PRELID2: variants seen among roughly 807,000 people sequenced by gnomAD.
PRELID2 encodes the protein PRELI domain containing 2.
In PRELID2, 25 loss-of-function variants were observed where a neutral mutation model predicts 28.4. That is an observed-to-expected ratio of 0.88 (90% CI 0.64 to 1.23). The LOEUF is 1.23. Among genes scored for constraint, PRELID2 ranks in the 50% most tolerant of loss-of-function variants. The pLI, the probability that PRELID2 is intolerant of heterozygous loss-of-function variation, is 0.00. For missense variants in PRELID2, 201 were observed against 214.4 expected (o/e 0.94, Z 0.39); for synonymous variants, 76 against 71.6 (o/e 1.06, Z -0.31).
the PRELID2 span, among the ~76,000 whole-genome samples, chr5:145,304,757 T>C: frequency 6.6e-6 from 1 of 152,116 alleles, no homozygotes. Context: ...GTTCTGTTCA[T>C]TTGGTCACCC....
At chr5:145,290,452 G>C in the PRELID2 span, among the ~76,000 whole-genome samples, 2 of 152,050 alleles carry the variant, frequency 1.3e-5, no homozygotes, top group African/African-American at 4.8e-5. Context: ...CCTTTGTAGG[G>C]ACGTGGATGA....
the PRELID2 span, among the ~76,000 whole-genome samples, chr5:145,412,010 C>T: frequency 5.3e-5 from 8 of 152,206 alleles, no homozygotes; most frequent in East Asian, 1.2e-3. Flanking sequence ...TGAGGCTGCA[C>T]ACAGCAGGGG....
At chr5:145,294,001 G>A in the PRELID2 span, among the ~76,000 whole-genome samples, 3 of 152,124 alleles carry the variant, frequency 2.0e-5, no homozygotes, top group Non-Finnish European at 4.4e-5. Context: ...TTCAAGTTGT[G>A]TCAACTGAGG....
the PRELID2 span, among the ~76,000 whole-genome samples, chr5:145,328,000 G>A: frequency 2.8e-4 from 43 of 151,540 alleles, 2 homozygotes; most frequent in South Asian, 9.0e-3. Flanking sequence ...TGTTCTCATT[G>A]TTCAACTCCC....
intron 1 of PRELID2, among the ~76,000 whole-genome samples, chr5:145,560,962 G>A (rs888487327): frequency 6.6e-6 from 1 of 151,784 alleles, no homozygotes; most frequent in Non-Finnish European, 1.5e-5. Flanking sequence ...TCATTTCCAT[G>A]ACGTTGAACC....
intron 1 of PRELID2, chr5:145,826,074 A>G: frequency 1.0e-6 from 1 of 985,428 alleles, no homozygotes. Flanking sequence ...TGCAGAATTG[A>G]TCAAGCTGAA....
At chr5:145,501,452 C>T (rs1258429878) in intron 1 of PRELID2, among the ~76,000 whole-genome samples, 2 of 152,280 alleles carry the variant, frequency 1.3e-5, no homozygotes, top group East Asian at 3.9e-4. Flanking sequence ...CCATAATTCT[C>T]ATGTGTTGTG....
intron 1 of PRELID2, among the ~76,000 whole-genome samples, chr5:145,729,550 C>T (rs934159182): frequency 6.6e-6 from 1 of 152,048 alleles, no homozygotes; most frequent in African/African-American, 2.4e-5. Flanking sequence ...TAATAAATGC[C>T]TTAAGAAATT....
intron 1 of PRELID2, among the ~76,000 whole-genome samples, chr5:145,642,978 AG>A (rs1283210491): frequency 2.6e-5 from 4 of 152,222 alleles, no homozygotes; most frequent in African/African-American, 9.6e-5. Context: ...CTTTTGGCTT[AG>A]GATTGTCTTG....
chr5:145,462,900 A>C, the PRELID2 span, among the ~76,000 whole-genome samples: 1 of 152,198 alleles, frequency 6.6e-6, no homozygotes, highest in Non-Finnish European at 1.5e-5. Context: ...GTAGTTCCTT[A>C]AAACTTGTCC....
chr5:145,771,840 A>C (rs778699784), intron 5 of PRELID2, among the ~76,000 whole-genome samples: 3 of 152,020 alleles, frequency 2.0e-5, no homozygotes, highest in Non-Finnish European at 4.4e-5. Flanking sequence ...GGGCAATAAG[A>C]GCAAGACTCC....
intron 1 of PRELID2, among the ~76,000 whole-genome samples, chr5:145,536,822 C>A (rs974783119): frequency 2.6e-5 from 4 of 151,742 alleles, no homozygotes; most frequent in Non-Finnish European, 5.9e-5. Context: ...CTTTGTATGT[C>A]TTTTTCAGGT....
intron 1 of PRELID2, among the ~76,000 whole-genome samples, chr5:145,484,219 C>G (rs1036310272): frequency 2.0e-5 from 3 of 152,140 alleles, no homozygotes. Flanking sequence ...ATCCTTAGTG[C>G]CTGGACTTTG....
At chr5:145,458,873 A>G in the PRELID2 span, among the ~76,000 whole-genome samples, 14 of 152,292 alleles carry the variant, frequency 9.2e-5, no homozygotes, top group African/African-American at 2.6e-4. Context: ...GTTTTTATTC[A>G]TTTTTGAAAT....
At chr5:145,506,210 C>T (rs1016604119) in intron 1 of PRELID2, among the ~76,000 whole-genome samples, 3 of 152,134 alleles carry the variant, frequency 2.0e-5, no homozygotes, top group Non-Finnish European at 4.4e-5. Flanking sequence ...AAATCCTGCC[C>T]CTTTTGCTCA....
chr5:145,320,363 C>G, the PRELID2 span, among the ~76,000 whole-genome samples: 2 of 151,904 alleles, frequency 1.3e-5, no homozygotes, highest in South Asian at 2.1e-4. Context: ...CTCCGCCTCA[C>G]CGCTTCACGC....
At position 145,819,988 on chromosome 5, in the gene PRELID2, C is replaced by T. The variant is rs1754648389; in HGVS notation, c.164G>A (p.Arg55Lys). Residue 55 changes from arginine (R) to lysine (K), a missense_variant, in exon 3 of 7, where the codon AGG (arginine) becomes AAG (lysine). Transcript: ENST00000683046. ...DESTGVIYRK[R>K]IAICQNVVPE... Reference sequence around the variant, plus strand: ...AACCACGTTCTGACAGATTGCAATCCTCTTTCTGTAGATGACCCCTGTTGA... The same window carrying T: ...AACCACGTTCTGACAGATTGCAATCTTCTTTCTGTAGATGACCCCTGTTGA... 7 of 1,606,134 alleles carry T rather than the reference C, an allele frequency of 4.4e-6. No individual in the cohort carries two copies. Among genetic ancestry groups the T allele is most frequent in the Non-Finnish European group, 6.0e-6 (7 of 1,175,916 alleles).
chr5:145,408,423 A>G, the PRELID2 span, among the ~76,000 whole-genome samples: 1 of 144,824 alleles, frequency 6.9e-6, no homozygotes, highest in Non-Finnish European at 1.5e-5. Context: ...ATATATGTAT[A>G]ATATATATGT....
intron 5 of PRELID2, among the ~76,000 whole-genome samples, chr5:145,794,021 C>T (rs377339535): frequency 1.3e-4 from 20 of 152,014 alleles, no homozygotes; most frequent in African/African-American, 4.6e-4. Flanking sequence ...CTATAGGAGG[C>T]CAACGAGAGT....
Sources: gnomAD v4.1 joint callset for allele counts (sites outside exome capture counted in the v4.1 genomes callset) on GRCh38, gnomAD v4.1.1 for gene constraint, MANE v1.5 for transcripts, NCBI Gene and HGNC (gene_info 2026-07-23, HGNC 2026-07-21) for gene names.